Variants in FRMD4B observed in about 807,000 individuals in gnomAD.
FRMD4B encodes FERM domain-containing protein 4B.
FRMD4B carries 74 observed loss-of-function variants against 141.5 expected under a neutral mutation model. The observed-to-expected ratio is 0.52, with a 90% CI of 0.43 to 0.63. The LOEUF is 0.63. FRMD4B is among the 30% of genes least tolerant of loss of function. The pLI is 0.00. For synonymous variants in FRMD4B, 506 were observed against 467.9 expected, an observed-to-expected ratio of 1.08 and a Z score of -1.05; for missense variants, 1,366 against 1,253.4, an observed-to-expected ratio of 1.09 and a Z score of -1.36.
intron 1 of FRMD4B, among the ~76,000 whole-genome samples, chr3:69,362,085 TG>T (rs1462373575): frequency 6.6e-6 from 1 of 152,230 alleles, no homozygotes; most frequent in East Asian, 1.9e-4. Flanking sequence ...AGTGACTTTT[TG>T]TTTGCACAGG....
intron 14 of FRMD4B, among the ~76,000 whole-genome samples, chr3:69,196,017 G>A (rs549895285): frequency 3.3e-5 from 5 of 152,122 alleles, no homozygotes; most frequent in Admixed American, 2.6e-4. Context: ...GCCACACCTT[G>A]GTACTCACCA....
intron 5 of FRMD4B, among the ~76,000 whole-genome samples, chr3:69,267,534 A>G (rs2093568282): frequency 6.6e-6 from 1 of 150,994 alleles, no homozygotes; most frequent in African/African-American, 2.4e-5. Flanking sequence ...CCCAGCACCT[A>G]TATAGGCCTA....
chr3:69,417,699 T>C (rs2106798553), intron 2 of FRMD4B, among the ~76,000 whole-genome samples: 1 of 152,368 alleles, frequency 6.6e-6, no homozygotes, highest in African/African-American at 2.4e-5. Flanking sequence ...TATATTAATT[T>C]CATCTGGCTA....
rs576922137 is a variant in FRMD4B, at chr3:69,309,518, C to T, written c.323+1745G>A. 1.9e-4 allele frequency among the ~76,000 whole-genome samples: 29 copies of T among 151,746 alleles called. No homozygotes were observed. The South Asian group carries it at 3.8e-3, about 20-fold the overall frequency. On this transcript the variant is annotated intron_variant, in intron 3 of 22. Coordinates refer to ENST00000398540, the MANE Select transcript of FRMD4B (RefSeq NM_015123.3). Reference sequence around the variant, plus strand: ...GCAGTAGTGCCATCATCATAGCTCACGGCAGCCTCAACCTCCTGGGCTCAA... The same window carrying T: ...GCAGTAGTGCCATCATCATAGCTCATGGCAGCCTCAACCTCCTGGGCTCAA...
At chr3:69,496,405 A>G (rs1264723663) in intron 1 of FRMD4B, among the ~76,000 whole-genome samples, 1 of 152,078 alleles carries the variant, frequency 6.6e-6, no homozygotes, top group African/African-American at 2.4e-5. Flanking sequence ...CTCTGGCCAT[A>G]TTGATTGATT....
intron 1 of FRMD4B, among the ~76,000 whole-genome samples, chr3:69,539,047 A>G (rs1031433503): frequency 1.1e-4 from 16 of 152,202 alleles, no homozygotes; most frequent in African/African-American, 3.9e-4. Context: ...TGCATTCATG[A>G]TAAGATCAGA....
intron 7 of FRMD4B, among the ~76,000 whole-genome samples, chr3:69,225,717 AAAAAAAAAAAAGAG>A (rs2093247326): frequency 4.2e-5 from 3 of 70,790 alleles, no homozygotes; most frequent in Admixed American, 1.5e-4. Flanking sequence ...AAAAAAAAAA[AAAAAAAAAAAAGAG>A]GGAGAACACG....
intron 1 of FRMD4B, among the ~76,000 whole-genome samples, chr3:69,360,023 C>T (rs1177266571): frequency 6.6e-6 from 1 of 152,180 alleles, no homozygotes; most frequent in Non-Finnish European, 1.5e-5. Flanking sequence ...AGGTGGAATG[C>T]ATCCAGGGGT....
At chr3:69,216,787 C>T (rs1360595778) in intron 10 of FRMD4B, among the ~76,000 whole-genome samples, 2 of 152,070 alleles carry the variant, frequency 1.3e-5, no homozygotes, top group Admixed American at 1.3e-4. Context: ...ATAAACAAAA[C>T]ATTTAAAAAC....
intron 1 of FRMD4B, among the ~76,000 whole-genome samples, chr3:69,450,300 ATCACTT>A (rs1705474231): frequency 6.6e-6 from 1 of 152,206 alleles, no homozygotes; most frequent in Non-Finnish European, 1.5e-5. Context: ...AGGCAGGAGG[ATCACTT>A]GAACCCAGGA....
intron 2 of FRMD4B, among the ~76,000 whole-genome samples, chr3:69,395,189 A>T (rs534519940): frequency 4.6e-5 from 7 of 152,288 alleles, no homozygotes; most frequent in East Asian, 3.9e-4. Context: ...AAAATTTTTT[A>T]AAAAAAGAAT....
rs80082364 is a variant in FRMD4B, at chr3:69,193,622, A to C, written c.1714+26T>G. On this transcript the variant is annotated intron_variant, in intron 17 of 22. Coordinates refer to ENST00000398540, the MANE Select transcript of FRMD4B (RefSeq NM_015123.3). Reference sequence around the variant, plus strand: ...ATGAAGTACTGAGTAGGGGACTCAAAAAAAAAAACCTTACTTATTACTAAC... The same window carrying C: ...ATGAAGTACTGAGTAGGGGACTCAACAAAAAAAACCTTACTTATTACTAAC... 15 of 1,439,268 alleles carry C rather than the reference A, an allele frequency of 1.0e-5. 1 individual carries two copies. The South Asian group carries it at 1.8e-4, about 17-fold the overall frequency. The allele number at this position is 1,439,268 out of a possible 1,614,324, so 89.2% of individuals were successfully genotyped here.
At chr3:69,486,618 T>C (rs1159995587) in intron 1 of FRMD4B, among the ~76,000 whole-genome samples, 1 of 152,020 alleles carries the variant, frequency 6.6e-6, no homozygotes, top group Non-Finnish European at 1.5e-5. Context: ...CATTGAATCT[T>C]GGAAAGAAAA....
intron 1 of FRMD4B, among the ~76,000 whole-genome samples, chr3:69,335,458 C>T (rs148921245): frequency 1.3e-5 from 2 of 151,400 alleles, no homozygotes; most frequent in African/African-American, 4.8e-5. Context: ...CTGCAACCTC[C>T]ACCTCCCGGT....
At chr3:69,445,102 A>G (rs1705392693) in intron 1 of FRMD4B, among the ~76,000 whole-genome samples, 1 of 152,192 alleles carries the variant, frequency 6.6e-6, no homozygotes, top group Non-Finnish European at 1.5e-5. Context: ...AGAGTGATGC[A>G]TACAAGTGAC....
chr3:69,296,961 C>T (rs935768464), intron 4 of FRMD4B, among the ~76,000 whole-genome samples: 1 of 152,104 alleles, frequency 6.6e-6, no homozygotes, highest in African/African-American at 2.4e-5. Flanking sequence ...ACTTAGTTTC[C>T]ATCTGTACAG....
intron 4 of FRMD4B, among the ~76,000 whole-genome samples, chr3:69,295,404 C>T (rs1701005850): frequency 6.6e-6 from 1 of 152,142 alleles, no homozygotes; most frequent in South Asian, 2.1e-4. Context: ...TCACTGCAGC[C>T]TCAATGTCCT....
intron 1 of FRMD4B, among the ~76,000 whole-genome samples, chr3:69,355,027 G>GA (rs57898618): frequency 5.3e-4 from 77 of 145,436 alleles, no homozygotes; most frequent in East Asian, 1.8e-3. Flanking sequence ...ATGGAAAAAG[G>GA]AAAAAAAAAA....
chr3:69,455,623 T>C (rs547146134), intron 1 of FRMD4B, among the ~76,000 whole-genome samples: 1 of 152,162 alleles, frequency 6.6e-6, no homozygotes, highest in African/African-American at 2.4e-5. Flanking sequence ...ACTGTAATGC[T>C]CACTGCGAGG....
Sources: gnomAD v4.1 joint callset for allele counts (sites outside exome capture counted in the v4.1 genomes callset) on GRCh38, gnomAD v4.1.1 for gene constraint, MANE v1.5 for transcripts, NCBI Gene and HGNC (gene_info 2026-07-23, HGNC 2026-07-21) for gene names.